Variants in TACR1 observed in about 807,000 individuals in gnomAD.
TACR1 encodes substance-P receptor.
A neutral mutation model predicts 35.8 loss-of-function variants in TACR1; 25 were observed. The observed-to-expected ratio is 0.70, with a 90% CI of 0.51 to 0.98. The LOEUF is 0.98. TACR1 is among the 50% of genes least tolerant of loss of function. The pLI, the probability that TACR1 is intolerant of heterozygous loss-of-function variation, is 0.00. For synonymous variants in TACR1, 195 were observed against 206.7 expected (o/e 0.94, Z 0.48); for missense variants, 478 against 522.9 (o/e 0.91, Z 0.84).
intron 2 of TACR1, among the ~76,000 whole-genome samples, chr2:75,097,898 A>G (rs556506223): frequency 6.6e-6 from 1 of 152,298 alleles, no homozygotes; most frequent in South Asian, 2.1e-4. Context: ...CTTTGAAAAG[A>G]AAAACATCCC....
At chr2:75,183,911 A>G (rs12995817) in intron 1 of TACR1, among the ~76,000 whole-genome samples, 32,334 of 152,174 alleles carry the variant, frequency 0.21, 3,939 homozygotes, top group Middle Eastern at 0.28. Context: ...AAAAATAAGG[A>G]ATTTATATTA....
intron 1 of TACR1, among the ~76,000 whole-genome samples, chr2:75,140,734 G>C (rs1674384246): frequency 6.6e-6 from 1 of 152,206 alleles, no homozygotes; most frequent in Non-Finnish European, 1.5e-5. Flanking sequence ...TAAGCTCCTT[G>C]AGGAAAAGGA....
intron 2 of TACR1, among the ~76,000 whole-genome samples, chr2:75,057,049 G>T (rs1672583051): frequency 6.6e-6 from 1 of 152,218 alleles, no homozygotes; most frequent in Non-Finnish European, 1.5e-5. Context: ...ACAAAATGTG[G>T]CTTATACTTG....
intron 1 of TACR1, among the ~76,000 whole-genome samples, chr2:75,185,723 T>G (rs996398400): frequency 2.6e-5 from 4 of 152,192 alleles, no homozygotes; most frequent in Non-Finnish European, 5.9e-5. Context: ...ATATATTCTG[T>G]TTCACACTGC....
intron 2 of TACR1, among the ~76,000 whole-genome samples, chr2:75,098,465 A>G (rs1244165010): frequency 6.6e-6 from 1 of 152,166 alleles, no homozygotes; most frequent in African/African-American, 2.4e-5. Context: ...TTCATCCTCA[A>G]ATATCCCAGA....
intron 2 of TACR1, among the ~76,000 whole-genome samples, chr2:75,084,668 G>A (rs1489721265): frequency 6.6e-6 from 1 of 152,136 alleles, no homozygotes; most frequent in Non-Finnish European, 1.5e-5. Context: ...GGGTGTATGT[G>A]TCGAGGAATT....
Position 75,146,720 on chromosome 2 carries a change from TC to T in TACR1, c.390-25953del, listed in dbSNP as rs1233157470. Among the ~76,000 whole-genome samples, 4 of 152,228 alleles carry T rather than the reference TC, an allele frequency of 2.6e-5. No homozygotes were observed. In the East Asian group the frequency reaches 7.7e-4, roughly 29 times the overall value. ...CACCAAACCCTAATGAGTCTCAATT[TC>T]CTCATCTATAAAATAGAGTTGCAGT... On this transcript the variant is annotated intron_variant, in intron 1 of 4. Transcript: ENST00000305249.
At chr2:75,169,493 C>A (rs1221312351) in intron 1 of TACR1, among the ~76,000 whole-genome samples, 1 of 152,172 alleles carries the variant, frequency 6.6e-6, no homozygotes, top group African/African-American at 2.4e-5. Flanking sequence ...CAATTACTGT[C>A]TGACATTTAT....
intron 1 of TACR1, among the ~76,000 whole-genome samples, chr2:75,184,205 G>A (rs973503826): frequency 6.6e-6 from 1 of 152,058 alleles, no homozygotes; most frequent in African/African-American, 2.4e-5. Context: ...AGGAAAGTAG[G>A]CAATATGAAA....
At chr2:75,169,911 T>A (rs975872182) in intron 1 of TACR1, among the ~76,000 whole-genome samples, 1 of 152,208 alleles carries the variant, frequency 6.6e-6, no homozygotes, top group Non-Finnish European at 1.5e-5. Context: ...ATTTTTCTTC[T>A]ACATGACAAA....
rs201281474 is a variant in TACR1 at position 75,053,636 on chromosome 2, C to T, written c.704G>A (p.Arg235His). ...CTTGGCAGAGACTTGCTCGTGGTAG[C>T]GGTCAGAGGAGTCCCCGGGGATCTC... is the stretch of plus-strand genomic sequence containing the variant. ...ASEIPGDSSD[R>H]YHEQVSAKRK... Residue 235 changes from arginine to histidine, a missense_variant, in exon 3 of 5, where the codon CGC becomes CAC. By Grantham distance (29) the Arg-to-His change is conservative (BLOSUM62 0). Transcript: ENST00000305249. 40 of 1,569,680 alleles carry T rather than the reference C, an allele frequency of 2.5e-5. No individual in the cohort carries two copies. The East Asian group carries it at 4.1e-4, about 16-fold the overall frequency.
intron 1 of TACR1, among the ~76,000 whole-genome samples, chr2:75,191,032 C>T (rs3771861): frequency 0.12 from 18,785 of 152,152 alleles, 1,427 homozygotes; most frequent in East Asian, 0.27. Context: ...CATGCTGATT[C>T]GTATGTCTCC....
At chr2:75,152,429 T>G (rs1674694699) in intron 1 of TACR1, among the ~76,000 whole-genome samples, 1 of 152,154 alleles carries the variant, frequency 6.6e-6, no homozygotes, top group Non-Finnish European at 1.5e-5. Context: ...GGTTTCTGCT[T>G]TTGCTTCTTC....
intron 2 of TACR1, 116 bp downstream of exon 2, chr2:75,120,458 G>C: frequency 1.0e-6 from 1 of 957,400 alleles, no homozygotes; most frequent in Non-Finnish European, 1.5e-6. Flanking sequence ...AATGCTTGCA[G>C]ATACACATTA....
chr2:75,153,588 G>GA (rs538160260), intron 1 of TACR1, among the ~76,000 whole-genome samples: 10 of 152,188 alleles, frequency 6.6e-5, no homozygotes, highest in Non-Finnish European at 5.9e-5. Flanking sequence ...ATAGGATCAG[G>GA]AAAAAAACCC....
chr2:75,068,606 TA>T (rs201072139), intron 2 of TACR1, among the ~76,000 whole-genome samples: 1,787 of 152,322 alleles, frequency 0.012, 27 homozygotes, highest in African/African-American at 0.04. Context: ...GGCTCTCTTT[TA>T]AATTCTTTAC....
intron 1 of TACR1, among the ~76,000 whole-genome samples, chr2:75,173,119 G>A (rs919880309): frequency 1.3e-5 from 2 of 152,088 alleles, no homozygotes; most frequent in Admixed American, 6.6e-5. Context: ...TAACAGTGCT[G>A]GCAAATGACT....
At chr2:75,154,955 G>A (rs918613407) in intron 1 of TACR1, among the ~76,000 whole-genome samples, 1 of 152,186 alleles carries the variant, frequency 6.6e-6, no homozygotes, top group Admixed American at 6.5e-5. Context: ...CTCCAGATGA[G>A]TCTGTGCTCT....
intron 1 of TACR1, among the ~76,000 whole-genome samples, chr2:75,190,860 G>C (rs1161418183): frequency 6.6e-6 from 1 of 152,158 alleles, no homozygotes; most frequent in African/African-American, 2.4e-5. Flanking sequence ...TCATACAAAA[G>C]ACATGAAAGG....
Sources: gnomAD v4.1 joint callset for allele counts (sites outside exome capture counted in the v4.1 genomes callset) on GRCh38, gnomAD v4.1.1 for gene constraint, MANE v1.5 for transcripts, NCBI Gene and HGNC (gene_info 2026-07-23, HGNC 2026-07-21) for gene names.